The following SPG11 variants were observed in gnomAD, a reference collection of about 807,000 sequenced individuals.
The protein encoded by SPG11 is SPG11 vesicle trafficking associated, spatacsin.
A neutral mutation model predicts 274.0 loss-of-function variants in SPG11; 222 were observed. The observed-to-expected ratio is 0.81, with a 90% CI of 0.73 to 0.91. The LOEUF is 0.91. SPG11 is among the 40% of genes least tolerant of loss of function. SPG11 has a pLI of 0.00. For missense variants in SPG11, 3,114 were observed against 2,872.7 expected (o/e 1.08, Z -1.92); for synonymous variants, 1,144 against 1,039.7 (o/e 1.10, Z -1.93).
At chr15:44,662,277 C>T (rs1299366709) in intron 1 of SPG11, among the ~76,000 whole-genome samples, 4 of 151,078 alleles carry the variant, frequency 2.6e-5, no homozygotes, top group East Asian at 1.9e-4. Flanking sequence ...CTCTAAATGT[C>T]AGGAGCTGTT....
Position 44,584,248 on chromosome 15 carries a change from A to T in SPG11, c.5432T>A (p.Leu1811His). 6.2e-7 allele frequency: 1 copy of T among 1,614,190 alleles called. No individual in the cohort carries two copies. Among genetic ancestry groups the T allele is most frequent in the Non-Finnish European group, 8.5e-7 (1 of 1,180,022 alleles). ...CTCTGTTTCCTCCTGATTTCTTCCA[A>T]GAGTGTGCTGGGTGATGCGGCACAG... ...IWLCRITQHT[L>H]GRNQEETEPR... The change falls in exon 30 of 40, where the codon CTT becomes CAT. Residue 1811 changes from leucine to histidine, a missense_variant. By Grantham distance (99) the Leu-to-His change is moderately conservative. Transcript: ENST00000261866.
intron 38 of SPG11, 60 bp downstream of exon 38, chr15:44,565,794 A>G (rs915897204): frequency 1.2e-6 from 2 of 1,603,636 alleles, no homozygotes; most frequent in Non-Finnish European, 1.7e-6. Context: ...GGGTTCCATG[A>G]GTGGGACAGA....
At chr15:44,640,035 C>T (rs1326211256) in intron 7 of SPG11, among the ~76,000 whole-genome samples, 6 of 151,948 alleles carry the variant, frequency 3.9e-5, no homozygotes, top group Admixed American at 2.6e-4. Flanking sequence ...ACAGTGAAAC[C>T]CCGTCTCTAC....
intron 26 of SPG11, among the ~76,000 whole-genome samples, chr15:44,592,797 G>GCGA (rs2082936555): frequency 6.6e-6 from 1 of 152,000 alleles, no homozygotes; most frequent in East Asian, 1.9e-4. Flanking sequence ...TCCATCCTGG[G>GCGA]CGACAGAGTG....
rs1199605323 is a variant in SPG11 at position 44,572,719 on chromosome 15, T to C, written c.6307A>G (p.Lys2103Glu). ...RTLVGMKLLD[K>E]ISSVPHGELS... ...TCCCCATGGGGAACGGAGGAAATCT[T>C]ATCCAACAACTTCATGCCTACCAAT... The change falls in exon 33 of 40, where the codon AAG (lysine) becomes GAG (glutamate). Residue 2103 changes from lysine to glutamate, a missense_variant. Lys to Glu is a moderately conservative substitution (Grantham distance 56). Transcript: ENST00000261866. The C allele has an allele frequency of 1.9e-5, 30 of 1,614,058 alleles. No individual in the cohort carries two copies. In the Admixed American group the frequency reaches 5.0e-4, roughly 27 times the overall value.
chr15:44,575,093 T>A, intron 30 of SPG11, 52 bp from the exon 31 acceptor site: 2 of 1,608,170 alleles, frequency 1.2e-6, no homozygotes, highest in Non-Finnish European at 1.7e-6. Context: ...TTCTGGCCTC[T>A]CCCTAGCTCT....
At chr15:44,603,362 G>A (rs906220289) in intron 20 of SPG11, among the ~76,000 whole-genome samples, 1 of 152,100 alleles carries the variant, frequency 6.6e-6, no homozygotes, top group Non-Finnish European at 1.5e-5. Context: ...TGAGTGTTAG[G>A]ATTACAGGCA....
Position 44,610,830 on chromosome 15 carries a change from C to T in SPG11, c.3291+10G>A. The T allele has an allele frequency of 6.2e-7, 1 of 1,613,292 alleles. No homozygotes were observed. The highest frequency in any genetic ancestry group is 1.3e-5 in the African/African-American group (1 of 74,972). The stretch of plus-strand genomic sequence containing the variant: ...ATCAGTCCTATTTTGTCATAAAGTG[C>T]TATCCATACCTGACTGACACCCCCA... On this transcript the variant is annotated intron_variant, in intron 18 of 39. Transcript: ENST00000261866.
At chr15:44,609,615 C>G (rs1333227800) in intron 18 of SPG11, among the ~76,000 whole-genome samples, 3 of 152,032 alleles carry the variant, frequency 2.0e-5, no homozygotes, top group Non-Finnish European at 4.4e-5. Flanking sequence ...TATTCTTACT[C>G]CCAGAAGCAA....
At chr15:44,628,345 C>T (rs2083961541) in intron 10 of SPG11, among the ~76,000 whole-genome samples, 1 of 152,236 alleles carries the variant, frequency 6.6e-6, no homozygotes, top group Admixed American at 6.5e-5. Flanking sequence ...ATGCATGTGT[C>T]CAAAGCACCA....
At chr15:44,638,851 T>C (rs113453499) in intron 7 of SPG11, among the ~76,000 whole-genome samples, 1 of 151,724 alleles carries the variant, frequency 6.6e-6, no homozygotes, top group Admixed American at 6.6e-5. Flanking sequence ...CAAAAATCAG[T>C]TGGGCGTGGG....
chr15:44,582,191 TAAAAG>T (rs1276904058), intron 30 of SPG11, among the ~76,000 whole-genome samples: 1 of 151,850 alleles, frequency 6.6e-6, no homozygotes, highest in East Asian at 1.9e-4. Flanking sequence ...TTCCAGAAAA[TAAAAG>T]AGGAGGGAGT....
intron 39 of SPG11, among the ~76,000 whole-genome samples, chr15:44,564,346 G>A (rs112822640): frequency 3.3e-5 from 5 of 152,266 alleles, no homozygotes; most frequent in African/African-American, 1.2e-4. Context: ...AAAGTACAAA[G>A]CACTATGAGC....
At chr15:44,573,789 G>A (rs768649804) in intron 31 of SPG11, 44 bp from the exon 32 acceptor site, 78 of 1,601,436 alleles carry the variant, frequency 4.9e-5, no homozygotes, top group Non-Finnish European at 6.2e-5. Flanking sequence ...TTAGAAGCCA[G>A]GAAAAAGCAA....
intron 1 of SPG11, among the ~76,000 whole-genome samples, chr15:44,662,650 T>TA (rs527806518): frequency 0.036 from 3,226 of 90,686 alleles, 142 homozygotes; most frequent in East Asian, 0.24. Context: ...ACCTTATCTT[T>TA]AAAAAAAAAA....
chr15:44,616,232 G>C (rs997073141), intron 15 of SPG11, among the ~76,000 whole-genome samples: 1 of 147,806 alleles, frequency 6.8e-6, no homozygotes, highest in African/African-American at 2.5e-5. Flanking sequence ...TTTTGGCAGG[G>C]TCTTGCTCTG....
chr15:44,656,014 A>G (rs1033287015), intron 4 of SPG11, among the ~76,000 whole-genome samples: 1 of 152,212 alleles, frequency 6.6e-6, no homozygotes, highest in Non-Finnish European at 1.5e-5. Context: ...ACTATATAAA[A>G]AAGAGAGGAA....
chr15:44,574,899 T>C lies in SPG11; in HGVS notation c.6006+3A>G, dbSNP rs201717063. On this transcript the variant is annotated splice_donor_region_variant and intron_variant, in intron 31 of 39. Coordinates refer to ENST00000261866, the MANE Select transcript of SPG11 (RefSeq NM_025137.4). ...AAGAGGAGCCCCACCCCTTGGCACA[T>C]ACCTTGGCAAGATCATACAGACAGA... is the stretch of plus-strand genomic sequence containing the variant. The C allele has an allele frequency of 6.2e-5, 100 of 1,613,846 alleles. No individual in the cohort carries two copies. Among genetic ancestry groups the C allele is most frequent in the Non-Finnish European group, 7.8e-5 (92 of 1,180,010 alleles).
intron 3 of SPG11, 35 bp from the exon 4 acceptor site, chr15:44,657,331 G>A (rs778917968): frequency 1.3e-6 from 2 of 1,589,262 alleles, no homozygotes; most frequent in Non-Finnish European, 1.7e-6. Flanking sequence ...TGCCAGTTTT[G>A]TAAGTATGCC....
Sources: gnomAD v4.1 joint callset for allele counts (sites outside exome capture counted in the v4.1 genomes callset) on GRCh38, gnomAD v4.1.1 for gene constraint, MANE v1.5 for transcripts, NCBI Gene and HGNC (gene_info 2026-07-23, HGNC 2026-07-21) for gene names.